TMEM50A: variants seen among roughly 807,000 people sequenced by gnomAD.
TMEM50A encodes the protein transmembrane protein 50A, also known as cervical cancer oncogene 9.
Under a neutral mutation model 23.9 loss-of-function variants are expected in TMEM50A, and 8 were observed. That is an observed-to-expected ratio of 0.33 (90% CI 0.20 to 0.60). The LOEUF (loss-of-function observed/expected upper bound fraction) is 0.60. Among genes scored for constraint, TMEM50A ranks in the 20% least tolerant of loss-of-function variants. The pLI is 0.81. For missense variants in TMEM50A, 178 were observed against 192.7 expected (o/e 0.92, Z 0.45); for synonymous variants, 55 against 60.4 (o/e 0.91, Z 0.41).
intron 4 of TMEM50A, among the ~76,000 whole-genome samples, chr1:25,352,138 C>A (rs1416417177): frequency 6.6e-6 from 1 of 152,020 alleles, no homozygotes; most frequent in African/African-American, 2.4e-5. Flanking sequence ...CTTGGAGATT[C>A]GTATGTCACT....
chr1:25,357,568 G>GT (rs1284815836), intron 6 of TMEM50A, among the ~76,000 whole-genome samples: 3 of 148,598 alleles, frequency 2.0e-5, no homozygotes, highest in African/African-American at 7.6e-5. Context: ...TGTGTTGTGT[G>GT]TGTGTGTGTT....
intron 6 of TMEM50A, among the ~76,000 whole-genome samples, chr1:25,357,545 GTGTGTGTGTGTGTGTGT>G (rs1164972402): frequency 2.0e-5 from 3 of 150,494 alleles, no homozygotes; most frequent in African/African-American, 7.4e-5. Flanking sequence ...GTGTGTGTGT[GTGTGTGTGTGTGTGTGT>G]TGTGTGTGTG....
intron 3 of TMEM50A, among the ~76,000 whole-genome samples, chr1:25,343,784 G>A (rs1286506364): frequency 6.6e-6 from 1 of 152,124 alleles, no homozygotes; most frequent in African/African-American, 2.4e-5. Context: ...AGGGGATGGG[G>A]ATATATAAGA....
intron 2 of TMEM50A, among the ~76,000 whole-genome samples, chr1:25,341,870 T>G (rs963924973): frequency 1.7e-5 from 2 of 116,432 alleles, no homozygotes; most frequent in African/African-American, 5.4e-5. Flanking sequence ...AATTTTTGTT[T>G]TTTTTTTTGT....
chr1:25,341,675 A>G (rs975029018), intron 2 of TMEM50A, among the ~76,000 whole-genome samples: 5 of 151,782 alleles, frequency 3.3e-5, no homozygotes, highest in African/African-American at 9.7e-5. Context: ...CACCGCACCA[A>G]GCCATTTTTT....
At chr1:25,356,737 C>A in intron 5 of TMEM50A, 56 bp from the exon 6 acceptor site, 2 of 1,325,954 alleles carry the variant, frequency 1.5e-6, no homozygotes, top group Non-Finnish European at 2.1e-6. Context: ...GCCAATATAT[C>A]TGAAACTAAA....
intron 2 of TMEM50A, among the ~76,000 whole-genome samples, chr1:25,341,468 G>A (rs984406260): frequency 1.3e-5 from 2 of 151,984 alleles, no homozygotes; most frequent in Admixed American, 6.6e-5. Flanking sequence ...CCGTGGTCTC[G>A]ATCTCCTGAC....
intron 6 of TMEM50A, among the ~76,000 whole-genome samples, chr1:25,358,113 A>G (rs755087834): frequency 5.3e-5 from 8 of 151,062 alleles, no homozygotes; most frequent in Non-Finnish European, 1.2e-4. Flanking sequence ...ACGCCCAGCT[A>G]ATTTTTTGTA....
chr1:25,353,942 G>C (rs928765603), intron 5 of TMEM50A, among the ~76,000 whole-genome samples: 1 of 151,996 alleles, frequency 6.6e-6, no homozygotes, highest in African/African-American at 2.4e-5. Context: ...TAATCTCATA[G>C]ATGGGAGTAA....
At chr1:25,354,268 G>C (rs1645310121) in intron 5 of TMEM50A, among the ~76,000 whole-genome samples, 1 of 152,120 alleles carries the variant, frequency 6.6e-6, no homozygotes, top group Non-Finnish European at 1.5e-5. Context: ...GGGATTACAG[G>C]TGTGAACCAC....
intron 3 of TMEM50A, among the ~76,000 whole-genome samples, chr1:25,350,562 A>G (rs1456118932): frequency 1.3e-5 from 2 of 152,080 alleles, no homozygotes; most frequent in East Asian, 3.9e-4. Flanking sequence ...CTAATTTTGT[A>G]TTTTTAGTAG....
At chr1:25,349,181 C>T (rs904000289) in intron 3 of TMEM50A, among the ~76,000 whole-genome samples, 10 of 152,262 alleles carry the variant, frequency 6.6e-5, no homozygotes, top group Non-Finnish European at 1.3e-4. Context: ...ACCAGGAGCA[C>T]ACCTATAGCC....
intron 5 of TMEM50A, among the ~76,000 whole-genome samples, chr1:25,356,413 TC>T (rs1157878787): frequency 6.6e-6 from 1 of 152,232 alleles, no homozygotes; most frequent in East Asian, 1.9e-4. Context: ...CATGGGGTCT[TC>T]CTGGCCATCT....
intron 3 of TMEM50A, among the ~76,000 whole-genome samples, chr1:25,344,963 C>A (rs551181861): frequency 1.7e-4 from 26 of 151,856 alleles, no homozygotes; most frequent in African/African-American, 6.0e-4. Context: ...TGTATTATAA[C>A]TTCTTTTGTT....
At chr1:25,346,256 T>G (rs560392449) in intron 3 of TMEM50A, among the ~76,000 whole-genome samples, 1 of 152,254 alleles carries the variant, frequency 6.6e-6, no homozygotes, top group East Asian at 1.9e-4. Context: ...TTCTTTTTTT[T>G]CTTTTCTTTT....
intron 3 of TMEM50A, among the ~76,000 whole-genome samples, chr1:25,344,895 A>G (rs1456614036): frequency 5.3e-5 from 8 of 150,810 alleles, no homozygotes; most frequent in Non-Finnish European, 1.2e-4. Flanking sequence ...GTTTTCTTGC[A>G]TTTTCTACTA....
In TMEM50A at chr1:25,361,252, G is replaced by A. The variant is rs975723923; in HGVS notation, c.*547G>A. On this transcript the variant is annotated 3_prime_UTR_variant, in exon 7 of 7. Coordinates refer to ENST00000374358, the MANE Select transcript of TMEM50A (RefSeq NM_014313.4). ...AGGGTCTCCCAAGGGGTGAGTGGAC[G>A]TGTTGGAAGAGAGAAGCACCATGGT... 2.6e-5 allele frequency: 4 copies of A among 153,274 alleles called. No homozygotes were observed. Among genetic ancestry groups the A allele is most frequent in the Admixed American group, 1.9e-4 (3 of 15,444 alleles). 9.5% of individuals were successfully genotyped at this position (153,274 alleles called of 1,614,324 possible).
intron 6 of TMEM50A, among the ~76,000 whole-genome samples, chr1:25,358,378 A>G (rs931963227): frequency 1.3e-5 from 2 of 152,184 alleles, no homozygotes; most frequent in African/African-American, 4.8e-5. Flanking sequence ...CAGATTTTCA[A>G]AGAAGCCCCT....
At chr1:25,353,644 T>C (rs918231712) in intron 5 of TMEM50A, among the ~76,000 whole-genome samples, 1 of 152,158 alleles carries the variant, frequency 6.6e-6, no homozygotes, top group Non-Finnish European at 1.5e-5. Context: ...AAAAGTAAAC[T>C]AACATTTAAT....
Sources: gnomAD v4.1 joint callset for allele counts (sites outside exome capture counted in the v4.1 genomes callset) on GRCh38, gnomAD v4.1.1 for gene constraint, MANE v1.5 for transcripts, NCBI Gene and HGNC (gene_info 2026-07-23, HGNC 2026-07-21) for gene names.